The following FBXL2 variants were observed in gnomAD, a reference collection of about 807,000 sequenced individuals.
FBXL2 encodes F-box/LRR-repeat protein 2.
Under a neutral mutation model 69.2 loss-of-function variants are expected in FBXL2, and 38 were observed. That is an observed-to-expected ratio of 0.55 (90% CI 0.42 to 0.72). FBXL2 has a LOEUF of 0.72. Among genes scored for constraint, FBXL2 ranks in the 30% least tolerant of loss-of-function variants. The pLI is 0.00. For missense variants in FBXL2, 354 were observed against 520.3 expected, an observed-to-expected ratio of 0.68 and a Z score of 3.11; for synonymous variants, 192 against 201.3, an observed-to-expected ratio of 0.95 and a Z score of 0.39.
intron 2 of FBXL2, among the ~76,000 whole-genome samples, chr3:33,320,199 C>A (rs373086732): frequency 2.1e-4 from 32 of 152,098 alleles, no homozygotes; most frequent in African/African-American, 7.2e-4. Flanking sequence ...TATAAGCCAT[C>A]ATAATTTATT....
chr3:33,374,396 A>C (rs559464981), intron 9 of FBXL2, among the ~76,000 whole-genome samples: 5 of 152,254 alleles, frequency 3.3e-5, no homozygotes, highest in Non-Finnish European at 5.9e-5. Context: ...TTAGCCTATG[A>C]AAAACTATTG....
At chr3:33,403,576 GTC>G (rs1311549128) in exon 13 of FBXL2, 2 of 84,270 alleles carry the variant, frequency 2.4e-5, no homozygotes, top group Non-Finnish European at 6.5e-5. Flanking sequence ...CTGTCTGTCT[GTC>G]TGTCTGTCTA....
the FBXL2 span, chr3:33,416,827 T>C: frequency 1.9e-6 from 3 of 1,613,256 alleles, no homozygotes; most frequent in Non-Finnish European, 2.5e-6. Flanking sequence ...GAATTTCATA[T>C]GACTGACCTA....
the FBXL2 span, among the ~76,000 whole-genome samples, chr3:33,420,852 A>G: frequency 6.6e-6 from 1 of 152,228 alleles, no homozygotes; most frequent in East Asian, 1.9e-4. Flanking sequence ...CGAACTCCCA[A>G]CCTCAGATGA....
chr3:33,365,372 C>G (rs2154043631), intron 5 of FBXL2, among the ~76,000 whole-genome samples: 1 of 151,944 alleles, frequency 6.6e-6, no homozygotes, highest in South Asian at 2.1e-4. Context: ...CTCTGCCTCC[C>G]AGGTTCAAGT....
chr3:33,418,585 G>A, the FBXL2 span, among the ~76,000 whole-genome samples: 11 of 151,882 alleles, frequency 7.2e-5, no homozygotes, highest in Non-Finnish European at 7.4e-5. Context: ...TAGGCTGCGC[G>A]CAGTGGCTCA....
chr3:33,421,461 G>T, the FBXL2 span, among the ~76,000 whole-genome samples: 1 of 152,046 alleles, frequency 6.6e-6, no homozygotes, highest in Non-Finnish European at 1.5e-5. Flanking sequence ...CAGTAGAGAT[G>T]GTTTCACCAC....
chr3:33,394,963 C>T (rs1263409091), intron 12 of FBXL2, among the ~76,000 whole-genome samples: 1 of 151,890 alleles, frequency 6.6e-6, no homozygotes, highest in Non-Finnish European at 1.5e-5. Context: ...GAAATATTTA[C>T]TACCTGACCT....
intron 1 of FBXL2, among the ~76,000 whole-genome samples, chr3:33,277,798 A>G (rs2033471378): frequency 6.6e-6 from 1 of 152,052 alleles, no homozygotes; most frequent in Non-Finnish European, 1.5e-5. Context: ...CCGCCGGACG[A>G]CGTGACGCTG....
chr3:33,366,993 G>A (rs1459027398), intron 5 of FBXL2, among the ~76,000 whole-genome samples: 4 of 152,008 alleles, frequency 2.6e-5, no homozygotes, highest in Non-Finnish European at 4.4e-5. Flanking sequence ...GAGTGTTTAT[G>A]TACAATTTGT....
chr3:33,303,153 C>T (rs1221064905), intron 2 of FBXL2: 1 of 456,484 alleles, frequency 2.2e-6, no homozygotes, highest in African/African-American at 2.0e-5. Context: ...ACCAGGGCAT[C>T]CTAACAGGTA....
At chr3:33,375,515 G>A in intron 10 of FBXL2, 97 bp downstream of exon 10, 1 of 1,394,966 alleles carries the variant, frequency 7.2e-7, no homozygotes, top group South Asian at 1.3e-5. Context: ...AGGTAGTGGT[G>A]GTGGAGGCAG....
chr3:33,319,203 G>T (rs1559534609), intron 2 of FBXL2, among the ~76,000 whole-genome samples: 1 of 151,864 alleles, frequency 6.6e-6, no homozygotes, highest in Non-Finnish European at 1.5e-5. Context: ...AAGTATGGGA[G>T]CCCCCTTGTG....
At chr3:33,422,112 T>TG in the FBXL2 span, among the ~76,000 whole-genome samples, 3 of 152,196 alleles carry the variant, frequency 2.0e-5, no homozygotes, top group Admixed American at 1.3e-4. Flanking sequence ...GATACTTTGC[T>TG]AGTCTGGATC....
At chr3:33,378,252 T>G in intron 12 of FBXL2, 105 bp downstream of exon 12, 3 of 1,179,608 alleles carry the variant, frequency 2.5e-6, no homozygotes, top group Non-Finnish European at 3.8e-6. Context: ...TGACCCTCCT[T>G]GATCAACCTC....
intron 2 of FBXL2, among the ~76,000 whole-genome samples, chr3:33,330,989 A>C (rs1176888232): frequency 6.6e-6 from 1 of 150,650 alleles, no homozygotes; most frequent in Non-Finnish European, 1.5e-5. Flanking sequence ...GTATATATAT[A>C]ATATATATAT....
At chr3:33,392,490 A>G, downstream of FBXL2, 2 of 1,264,670 alleles carry the variant, frequency 1.6e-6, no homozygotes, top group Non-Finnish European at 1.1e-6. Context: ...AATAAACACG[A>G]GAGGCACTAA....
At position 33,378,126 on chromosome 3, in the gene FBXL2, G is replaced by C; in HGVS notation, c.873G>C (p.Met291Ile). 1 of 1,614,210 alleles carries C rather than the reference G, an allele frequency of 6.2e-7. No homozygotes were observed. Among genetic ancestry groups the C allele is most frequent in the Non-Finnish European group, 8.5e-7 (1 of 1,180,034 alleles). ...AGAATTGCCACGAATTGGAGAAGAT[G>C]GATCTTGAAGAATGCATCCTGGTGA... ...LARNCHELEK[M>I]DLEECILITD... The change falls in exon 12 of 15, where the codon ATG becomes ATC. Residue 291 changes from methionine to isoleucine, a missense_variant. Coordinates refer to ENST00000484457, the MANE Select transcript of FBXL2 (RefSeq NM_012157.5).
chr3:33,312,296 C>T (rs2037283662), intron 2 of FBXL2, among the ~76,000 whole-genome samples: 1 of 152,044 alleles, frequency 6.6e-6, no homozygotes, highest in African/African-American at 2.4e-5. Flanking sequence ...GGGCTCCAAG[C>T]AGTCCTCCTG....
Sources: allele counts gnomAD v4.1 joint callset (sites outside exome capture counted in the v4.1 genomes callset), GRCh38; gene constraint gnomAD v4.1.1; transcripts MANE v1.5; gene names NCBI Gene and HGNC (gene_info 2026-07-23, HGNC 2026-07-21).